Variants in TMTC2 observed in about 807,000 individuals in gnomAD.
TMTC2 encodes protein O-mannosyl-transferase TMTC2.
Under a neutral mutation model 82.4 loss-of-function variants are expected in TMTC2, and 43 were observed. That is an observed-to-expected ratio of 0.52 (90% CI 0.41 to 0.67). TMTC2 has a LOEUF of 0.67. Among genes scored for constraint, TMTC2 ranks in the 30% least tolerant of loss-of-function variants. The pLI, the probability that TMTC2 is intolerant of heterozygous loss-of-function variation, is 0.00. For synonymous variants in TMTC2, 408 were observed against 381.9 expected, an observed-to-expected ratio of 1.07 and a Z score of -0.80; for missense variants, 919 against 1,012.4, an observed-to-expected ratio of 0.91 and a Z score of 1.25.
chr12:82,890,787 C>CT (rs923271137), intron 2 of TMTC2, among the ~76,000 whole-genome samples: 3 of 151,948 alleles, frequency 2.0e-5, no homozygotes, highest in East Asian at 1.9e-4. Context: ...CAGAGTCTCT[C>CT]TTTTTTTTAT....
intron 1 of TMTC2, among the ~76,000 whole-genome samples, chr12:82,717,327 C>T (rs898007978): frequency 4.0e-5 from 6 of 151,668 alleles, no homozygotes; most frequent in Non-Finnish European, 7.4e-5. Context: ...TGGGTTCAAG[C>T]GATTCTCCTG....
intron 1 of TMTC2, among the ~76,000 whole-genome samples, chr12:82,846,709 G>C (rs1456439761): frequency 1.3e-5 from 2 of 152,072 alleles, no homozygotes; most frequent in African/African-American, 4.8e-5. Context: ...CAGTTATTCG[G>C]GGTCGCTGAC....
At chr12:82,742,606 G>A (rs1249452562) in intron 1 of TMTC2, among the ~76,000 whole-genome samples, 1 of 150,918 alleles carries the variant, frequency 6.6e-6, no homozygotes, top group African/African-American at 2.4e-5. Context: ...CACAACCTCC[G>A]CCTCTCGGGT....
At chr12:82,806,293 G>A (rs551112647) in intron 1 of TMTC2, among the ~76,000 whole-genome samples, 81 of 152,176 alleles carry the variant, frequency 5.3e-4, no homozygotes, top group Non-Finnish European at 9.7e-4. Flanking sequence ...AGTCACACAA[G>A]TACAGTAAAC....
Position 82,896,597 on chromosome 12 carries a change from G to C in TMTC2, c.1434G>C (p.Gln478His), listed in dbSNP as rs759569147. The C allele has an allele frequency of 4.6e-5, 74 of 1,613,592 alleles. No homozygotes were observed. In the Middle Eastern group the frequency reaches 3.6e-3, roughly 79 times the overall value. ...CTGCGATCAGGAATGGAGACTGGCA[G>C]AATGAGGAAATGCTTTATAGATCAG... is the stretch of plus-strand genomic sequence containing the variant. ...LKTAIRNGDW[Q>H]NEEMLYRSGI... Residue 478 changes from glutamine to histidine, a missense_variant, in exon 3 of 12, where the codon CAG (glutamine) becomes CAC (histidine). Coordinates refer to ENST00000321196, the MANE Select transcript of TMTC2 (RefSeq NM_152588.3).
At chr12:82,784,426 T>G (rs7308265) in intron 1 of TMTC2, among the ~76,000 whole-genome samples, 77 of 151,964 alleles carry the variant, frequency 5.1e-4, no homozygotes, top group African/African-American at 1.8e-3. Context: ...CTACATGGAG[T>G]TGGGTATTAG....
chr12:83,054,310 A>G (rs555496753), intron 10 of TMTC2, among the ~76,000 whole-genome samples: 4 of 152,264 alleles, frequency 2.6e-5, no homozygotes, highest in African/African-American at 9.6e-5. Flanking sequence ...TAGGAACATT[A>G]TAATGTCGGG....
chr12:82,976,243 G>A (rs1347562150), intron 7 of TMTC2, among the ~76,000 whole-genome samples: 2 of 151,380 alleles, frequency 1.3e-5, no homozygotes, highest in Non-Finnish European at 2.9e-5. Flanking sequence ...ATCCCTAGTT[G>A]TAAATAGAGA....
intron 1 of TMTC2, among the ~76,000 whole-genome samples, chr12:82,747,917 T>C (rs1459714635): frequency 5.3e-5 from 8 of 152,136 alleles, no homozygotes; most frequent in Non-Finnish European, 5.9e-5. Context: ...TATAAGAAAA[T>C]TGGGCTAGGT....
intron 7 of TMTC2, among the ~76,000 whole-genome samples, chr12:82,976,622 A>G (rs965635865): frequency 6.6e-6 from 1 of 152,180 alleles, no homozygotes. Flanking sequence ...CAGAAGCAAT[A>G]TATCTGGGGC....
At chr12:83,108,671 T>G (rs2137542934) in intron 11 of TMTC2, among the ~76,000 whole-genome samples, 1 of 151,496 alleles carries the variant, frequency 6.6e-6, no homozygotes, top group South Asian at 2.1e-4. Context: ...CTAAGACCAC[T>G]GGAGCAATGC....
chr12:82,765,677 AAAAACAAAAC>A (rs907816682), intron 1 of TMTC2, among the ~76,000 whole-genome samples: 5 of 151,390 alleles, frequency 3.3e-5, no homozygotes, highest in African/African-American at 4.9e-5. Flanking sequence ...TCCATCTCGA[AAAAACAAAAC>A]AAAACAAAAC....
chr12:83,048,913 C>T (rs1037108501), intron 9 of TMTC2, among the ~76,000 whole-genome samples: 5 of 152,208 alleles, frequency 3.3e-5, no homozygotes, highest in African/African-American at 1.2e-4. Context: ...TGGTGATCCA[C>T]CTGCCTTGGC....
In TMTC2 at chr12:83,064,133, T is replaced by A. The variant is rs560458089; in HGVS notation, c.2331+2302T>A. On this transcript the variant is annotated intron_variant, in intron 11 of 11. Coordinates refer to ENST00000321196, the MANE Select transcript of TMTC2 (RefSeq NM_152588.3). ...AGTACTAGTCACTTGAGTATCATGT[T>A]GATTTTTGGTCAAGTGGTTGGTCAA... Among the ~76,000 whole-genome samples the A allele has an allele frequency of 3.3e-5, 5 of 151,984 alleles. No homozygotes were observed. In the East Asian group the frequency reaches 9.7e-4, roughly 29 times the overall value.
Position 83,040,287 on chromosome 12 carries a change from G to A in TMTC2, c.2152+9408G>A, listed in dbSNP as rs553864332. 1.6e-4 allele frequency among the ~76,000 whole-genome samples: 24 copies of A among 152,230 alleles called. 1 individual carries two copies. In the East Asian group the frequency reaches 3.1e-3, roughly 20 times the overall value. On this transcript the variant is annotated intron_variant, in intron 9 of 11. Transcript: ENST00000321196. The stretch of plus-strand genomic sequence containing the variant: ...GCTCTTACTAAATGTGAGCCTTGTG[G>A]GTCTCCAGTGGTGACACAGACCCAG...
At chr12:83,077,038 T>C (rs1395510230) in intron 11 of TMTC2, among the ~76,000 whole-genome samples, 2 of 152,204 alleles carry the variant, frequency 1.3e-5, no homozygotes, top group African/African-American at 4.8e-5. Context: ...TATTAAAGAC[T>C]GTTATGAGAG....
chr12:82,908,444 T>C (rs1464384467), intron 3 of TMTC2, among the ~76,000 whole-genome samples: 12 of 152,282 alleles, frequency 7.9e-5, no homozygotes, highest in Non-Finnish European at 1.8e-4. Context: ...ATATTGATGA[T>C]GATAGGTTTT....
At chr12:83,035,412 T>A (rs1881622920) in intron 9 of TMTC2, among the ~76,000 whole-genome samples, 1 of 152,172 alleles carries the variant, frequency 6.6e-6, no homozygotes. Context: ...GTACCTATAG[T>A]CTCTGGGATT....
intron 1 of TMTC2, among the ~76,000 whole-genome samples, chr12:82,829,152 A>AGTTTT (rs900820820): frequency 4.6e-5 from 7 of 152,092 alleles, no homozygotes; most frequent in African/African-American, 7.2e-5. Flanking sequence ...AGTCACCTTT[A>AGTTTT]GTTTTGTTTT....
Sources: gnomAD v4.1 joint callset for allele counts (sites outside exome capture counted in the v4.1 genomes callset) on GRCh38, gnomAD v4.1.1 for gene constraint, MANE v1.5 for transcripts, NCBI Gene and HGNC (gene_info 2026-07-23, HGNC 2026-07-21) for gene names.